Variants in STEAP3 observed in about 807,000 individuals in gnomAD.
The protein encoded by STEAP3 is STEAP3 metalloreductase, also known as metalloreductase STEAP3.
In STEAP3, 35 loss-of-function variants were observed where a neutral mutation model predicts 34.9. That is an observed-to-expected ratio of 1.00 (90% CI 0.76 to 1.33). STEAP3 has a LOEUF of 1.33. Among genes scored for constraint, STEAP3 ranks in the 40% most tolerant of loss-of-function variants. The pLI is 0.00. For missense variants in STEAP3, 652 were observed against 667.6 expected, an observed-to-expected ratio of 0.98 and a Z score of 0.26; for synonymous variants, 281 against 301.6, an observed-to-expected ratio of 0.93 and a Z score of 0.71.
At chr2:119,258,004 C>T (rs1316280688) in intron 5 of STEAP3, among the ~76,000 whole-genome samples, 1 of 152,218 alleles carries the variant, frequency 6.6e-6, no homozygotes, top group Admixed American at 6.5e-5. Flanking sequence ...AGAGCAGCGG[C>T]ATGGCTGCTC....
intron 2 of STEAP3, among the ~76,000 whole-genome samples, chr2:119,243,093 A>G (rs896371144): frequency 6.6e-6 from 1 of 152,038 alleles, no homozygotes; most frequent in Non-Finnish European, 1.5e-5. Context: ...CCATCTGTGG[A>G]CTCGGAAAGC....
In STEAP3 at chr2:119,245,181, G is replaced by A. The variant is rs1333562113; in HGVS notation, c.23-308G>A. 40 of 390,744 alleles carry A rather than the reference G, an allele frequency of 1.0e-4. No individual in the cohort carries two copies. The Admixed American group carries it at 1.6e-3, about 16-fold the overall frequency. 24.2% of individuals were successfully genotyped at this position (390,744 alleles called of 1,614,324 possible). ...ATGGCACTGCATCACATTGGTCATG[G>A]AAATTCCAGAGTTCCCTTTCCCAGC... is the stretch of plus-strand genomic sequence containing the variant. On this transcript the variant is annotated intron_variant, in intron 2 of 5. Coordinates refer to ENST00000393110, the MANE Select transcript of STEAP3 (RefSeq NM_182915.3).
intron 3 of STEAP3, 46 bp from the exon 4 acceptor site, chr2:119,247,633 C>T (rs1348284729): frequency 1.3e-6 from 2 of 1,496,870 alleles, no homozygotes; most frequent in Admixed American, 2.2e-5. Context: ...CCTGCCCACT[C>T]CTGTGGCCTG....
intron 2 of STEAP3, among the ~76,000 whole-genome samples, chr2:119,241,079 C>T (rs1677234856): frequency 6.6e-6 from 1 of 151,964 alleles, no homozygotes; most frequent in Non-Finnish European, 1.5e-5. Context: ...CACACACACA[C>T]ACATGCATAC....
intron 2 of STEAP3, chr2:119,245,240 A>G (rs927507558): frequency 4.1e-5 from 20 of 487,470 alleles, no homozygotes; most frequent in Non-Finnish European, 7.1e-5. Flanking sequence ...CGAGGAAATC[A>G]TTCAGCAGGA....
intron 2 of STEAP3, among the ~76,000 whole-genome samples, chr2:119,233,774 C>T (rs1218186775): frequency 6.6e-6 from 1 of 152,178 alleles, no homozygotes; most frequent in African/African-American, 2.4e-5. Flanking sequence ...CTGTCCTAGG[C>T]CCAGGTGGAG....
chr2:119,254,271 T>C (rs1023923133), intron 4 of STEAP3, among the ~76,000 whole-genome samples: 9 of 152,084 alleles, frequency 5.9e-5, no homozygotes, highest in Admixed American at 5.9e-4. Context: ...GACGGAGCCA[T>C]GCTTAAGGGC....
intron 1 of STEAP3, among the ~76,000 whole-genome samples, chr2:119,226,112 A>G (rs1010732242): frequency 1.3e-5 from 2 of 152,232 alleles, no homozygotes; most frequent in African/African-American, 4.8e-5. Context: ...CAGGGTTCCC[A>G]GCTCAGTCTC....
At chr2:119,238,203 T>G (rs190290028) in intron 2 of STEAP3, among the ~76,000 whole-genome samples, 4 of 152,360 alleles carry the variant, frequency 2.6e-5, no homozygotes, top group Admixed American at 2.6e-4. Context: ...AGAAACTGTT[T>G]AACGTTTTGA....
intron 1 of STEAP3, among the ~76,000 whole-genome samples, chr2:119,227,674 T>A (rs371366822): frequency 5.5e-4 from 83 of 152,226 alleles, no homozygotes; most frequent in African/African-American, 1.9e-3. Flanking sequence ...TCGGTACATA[T>A]AAAGAGATTT....
At chr2:119,227,844 T>TTTATTTATTTA (rs1679090441) in intron 1 of STEAP3, among the ~76,000 whole-genome samples, 1 of 47,186 alleles carries the variant, frequency 2.1e-5, no homozygotes, top group Non-Finnish European at 5.2e-5. Flanking sequence ...TTATTTATTT[T>TTTATTTATTTA]TTGGAGACAG....
At chr2:119,262,617 G>T (rs1558760641) in intron 5 of STEAP3, among the ~76,000 whole-genome samples, 1 of 152,106 alleles carries the variant, frequency 6.6e-6, no homozygotes, top group Non-Finnish European at 1.5e-5. Flanking sequence ...GGCTCAAGCA[G>T]TCCACCCACT....
chr2:119,225,905 G>A (rs1443600806), intron 1 of STEAP3, among the ~76,000 whole-genome samples: 2 of 152,246 alleles, frequency 1.3e-5, no homozygotes, highest in Non-Finnish European at 2.9e-5. Flanking sequence ...TGTGTGAAGT[G>A]CTGAGTTTTA....
intron 2 of STEAP3, among the ~76,000 whole-genome samples, chr2:119,241,441 G>T (rs1677243583): frequency 6.6e-6 from 1 of 152,238 alleles, no homozygotes; most frequent in African/African-American, 2.4e-5. Context: ...TTTTCCTGTT[G>T]CAGACTGCAT....
intron 4 of STEAP3, among the ~76,000 whole-genome samples, chr2:119,251,083 GTC>G (rs1456940483): frequency 6.6e-6 from 1 of 152,182 alleles, no homozygotes; most frequent in Non-Finnish European, 1.5e-5. Context: ...ATTCTGGATG[GTC>G]CATGGTAAGC....
rs1677122240 is a variant in STEAP3 at position 119,237,389 on chromosome 2, G to A, written c.22+6355G>A. Among the ~76,000 whole-genome samples, 3 of 152,234 alleles carry A rather than the reference G, an allele frequency of 2.0e-5. No individual in the cohort carries two copies. In the East Asian group the frequency reaches 5.8e-4, roughly 29 times the overall value. On this transcript the variant is annotated intron_variant, in intron 2 of 5. Coordinates refer to ENST00000393110, the MANE Select transcript of STEAP3 (RefSeq NM_182915.3). ...GAGAGAGAGGGTAGGGAGGTGGCAG[G>A]CTCTTTTTAACAAGCTGCTCTCGAG... is the stretch of plus-strand genomic sequence containing the variant.
chr2:119,238,327 G>T (rs1466393524), intron 2 of STEAP3, among the ~76,000 whole-genome samples: 1 of 152,158 alleles, frequency 6.6e-6, no homozygotes, highest in Non-Finnish European at 1.5e-5. Context: ...ATATATCATT[G>T]TAGCCATCCT....
In STEAP3 at chr2:119,236,694, A is replaced by G. The variant is rs183898776; in HGVS notation, c.22+5660A>G. Among the ~76,000 whole-genome samples the G allele has an allele frequency of 3.3e-3, 509 of 152,306 alleles. 1 individual carries two copies. The highest frequency in any genetic ancestry group is 6.0e-3 in the Non-Finnish European group (406 of 68,036). On this transcript the variant is annotated intron_variant, in intron 2 of 5. Coordinates refer to ENST00000393110, the MANE Select transcript of STEAP3 (RefSeq NM_182915.3). Reference sequence around the variant, plus strand: ...ACTTAGCAGATCTGCAGCTGTGTGCATGTTTCCACCTGCACATCCTTCTAT... The same window carrying G: ...ACTTAGCAGATCTGCAGCTGTGTGCGTGTTTCCACCTGCACATCCTTCTAT...
chr2:119,260,404 C>T (rs1677906581), intron 5 of STEAP3, among the ~76,000 whole-genome samples: 1 of 151,936 alleles, frequency 6.6e-6, no homozygotes, highest in African/African-American at 2.4e-5. Flanking sequence ...CATCCACCTC[C>T]TGGGTTCAAG....
Sources: gnomAD v4.1 joint callset for allele counts (sites outside exome capture counted in the v4.1 genomes callset) on GRCh38, gnomAD v4.1.1 for gene constraint, MANE v1.5 for transcripts, NCBI Gene and HGNC (gene_info 2026-07-23, HGNC 2026-07-21) for gene names.